CDK15: variants seen among roughly 807,000 people sequenced by gnomAD.
The protein encoded by CDK15 is cyclin-dependent kinase 15.
CDK15 carries 62 observed loss-of-function variants against 60.3 expected under a neutral mutation model. The ratio of observed to expected loss-of-function variants is 1.03; its 90% CI spans 0.84 to 1.27. The LOEUF is 1.27. Ranked by LOEUF, CDK15 falls within the 50% of genes most tolerant of loss-of-function variation. The probability of loss-of-function intolerance (pLI) is 0.00; values close to 1 mark genes in which losing one functional copy is unlikely to be tolerated. For synonymous variants in CDK15, 194 were observed against 195.7 expected (o/e 0.99, Z 0.07); for missense variants, 541 against 527.8 (o/e 1.03, Z -0.25).
intron 8 of CDK15, among the ~76,000 whole-genome samples, chr2:201,845,589 T>TAAAAAAAA (rs35345906): frequency 9.9e-6 from 1 of 101,468 alleles, no homozygotes; most frequent in African/African-American, 3.8e-5. Context: ...CCATCTGTAT[T>TAAAAAAAA]AAAAAAAAAA....
At chr2:201,811,606 T>C (rs1345225516) in intron 3 of CDK15, among the ~76,000 whole-genome samples, 1 of 152,196 alleles carries the variant, frequency 6.6e-6, no homozygotes, top group Non-Finnish European at 1.5e-5. Context: ...TTCTCTATTC[T>C]CAGCACTTAG....
intron 10 of CDK15, chr2:201,860,649 C>G: frequency 7.7e-7 from 1 of 1,292,652 alleles, no homozygotes; most frequent in Non-Finnish European, 1.0e-6. Flanking sequence ...AAAAGCCCTG[C>G]AGGGACCAGA....
At position 201,833,871 on chromosome 2, in the gene CDK15, G is replaced by C. The variant is rs150762445; in HGVS notation, c.630G>C (p.Arg210=). 2.7e-5 allele frequency: 43 copies of C among 1,613,482 alleles called. No individual in the cohort carries two copies. Among genetic ancestry groups the C allele is most frequent in the South Asian group, 5.5e-5 (5 of 90,998 alleles). The change falls in exon 7 of 14, where the codon CGG becomes CGC. Residue 210 remains arginine, a synonymous_variant. Transcript: ENST00000652192. ...AGCTTTTCATGTTTCAACTTTTGCGGGGCCTGGCGTACATCCACCACCAAC... is the reference window on the plus strand; with the variant it reads ...AGCTTTTCATGTTTCAACTTTTGCGCGGCCTGGCGTACATCCACCACCAAC... ...NVRLFMFQLL[R]GLAYIHHQHV... is the part of the protein sequence containing the mutation.
At chr2:201,876,694 T>C (rs1699090889) in intron 11 of CDK15, 1 of 547,734 alleles carries the variant, frequency 1.8e-6, no homozygotes, top group Admixed American at 3.4e-5. Context: ...GTAGGTTCTG[T>C]TGGTTGAAAT....
Position 201,893,450 on chromosome 2 carries a change from G to A in CDK15, c.*183G>A, listed in dbSNP as rs750100107. The A allele has an allele frequency of 6.6e-6, 1 of 152,144 alleles. No homozygotes were observed. The highest frequency in any genetic ancestry group is 1.5e-5 in the Non-Finnish European group (1 of 68,030). The allele number at this position is 152,144 out of a possible 1,614,324, so 9.4% of individuals were successfully genotyped here. Reference sequence around the variant, plus strand: ...TTCAAGGCAATAGTACATAATAGTGGAAGAAAATTCAGTGGAAGGTTATTG... The same window carrying A: ...TTCAAGGCAATAGTACATAATAGTGAAAGAAAATTCAGTGGAAGGTTATTG... On this transcript the variant is annotated 3_prime_UTR_variant, in exon 14 of 14. Coordinates refer to ENST00000652192, the MANE Select transcript of CDK15 (RefSeq NM_001366386.2).
At chr2:201,872,163 C>G in intron 10 of CDK15, 115 bp from the exon 11 acceptor site, 1 of 1,092,996 alleles carries the variant, frequency 9.1e-7, no homozygotes, top group Non-Finnish European at 1.4e-6. Context: ...CTACCTGATA[C>G]TTGAATCATT....
In CDK15 at chr2:201,882,199, A is replaced by ATG. The variant is rs374708377; in HGVS notation, c.1198+2049_1198+2050dup. On this transcript the variant is annotated intron_variant, in intron 12 of 13. Transcript: ENST00000652192. The surrounding 1 kb of genome is among the most constrained non-coding windows in gnomAD (Gnocchi z 4.0). ...TATGTGTGTATATGTGTGTGTGCGT[A>ATG]TGTGTGTGTGTGTGTGTGAGAGAGA... 0.011 allele frequency among the ~76,000 whole-genome samples: 1,643 copies of ATG among 149,480 alleles called. 28 individuals carry two copies. Among genetic ancestry groups the ATG allele is most frequent in the African/African-American group, 0.037 (1,508 of 40,820 alleles).
Position 201,894,871 on chromosome 2 carries a change from G to A in CDK15, c.*1604G>A, listed in dbSNP as rs1473578450. The stretch of plus-strand genomic sequence containing the variant: ...CTTGCTAGAAGCCAATGAACAGCAG[G>A]CCAAAACAACACTTACTTGCATCAA... On this transcript the variant is annotated 3_prime_UTR_variant, in exon 14 of 14. Transcript: ENST00000652192. 1.3e-5 allele frequency: 2 copies of A among 152,108 alleles called. No individual in the cohort carries two copies. Among genetic ancestry groups the A allele is most frequent in the Non-Finnish European group, 2.9e-5 (2 of 68,016 alleles). 9.4% of individuals were successfully genotyped at this position (152,108 alleles called of 1,614,324 possible).
At chr2:201,861,514 T>G in intron 10 of CDK15, 1 of 984,154 alleles carries the variant, frequency 1.0e-6, no homozygotes, top group African/African-American at 1.7e-5. Flanking sequence ...TAGTAGGTAC[T>G]CAATAAAAGT....
At chr2:201,837,781 T>C (rs935160185) in intron 8 of CDK15, among the ~76,000 whole-genome samples, 2 of 152,176 alleles carry the variant, frequency 1.3e-5, no homozygotes, top group African/African-American at 2.4e-5. Flanking sequence ...AAAGGGTTTA[T>C]ATAAAAACAC....
chr2:201,881,678 A>G (rs1217090695), intron 12 of CDK15, among the ~76,000 whole-genome samples: 1 of 152,144 alleles, frequency 6.6e-6, no homozygotes, highest in African/African-American at 2.4e-5. Context: ...AGAGAGGCAT[A>G]TGGGTGGAAC....
chr2:201,886,022 G>T (rs1458768227), intron 12 of CDK15, among the ~76,000 whole-genome samples: 1 of 152,150 alleles, frequency 6.6e-6, no homozygotes, highest in East Asian at 1.9e-4. Flanking sequence ...ACTATTCATT[G>T]TTCTTGCTAA....
At position 201,807,941 on chromosome 2, in the gene CDK15, G is replaced by C; in HGVS notation, c.357G>C (p.Lys119Asn). 5.0e-6 allele frequency: 8 copies of C among 1,613,888 alleles called. No individual in the cohort carries two copies. The highest frequency in any genetic ancestry group is 6.8e-6 in the Non-Finnish European group (8 of 1,179,932). ...LGEGSYATVY[K>N]GISRINGQLV... is the part of the protein sequence containing the mutation. ...AAGGCTCTTATGCGACAGTTTACAA[G>C]GGGATTAGCAGGTGAGTGACACATA... is the stretch of plus-strand genomic sequence containing the variant. Residue 119 changes from lysine to asparagine, a missense_variant, in exon 3 of 14, where the codon AAG becomes AAC. Lys to Asn is a moderately conservative substitution (Grantham distance 94). Coordinates refer to ENST00000652192, the MANE Select transcript of CDK15 (RefSeq NM_001366386.2).
rs1574839963 is a variant in CDK15, at chr2:201,808,078, C to T, written c.368+126C>T. The T allele has an allele frequency of 2.1e-5, 14 of 671,782 alleles. No individual in the cohort carries two copies. In the East Asian group the frequency reaches 3.9e-4, roughly 19 times the overall value. 41.6% of individuals were successfully genotyped at this position (671,782 alleles called of 1,614,324 possible). A position where few individuals can be genotyped will look rare whatever the true frequency, so the allele number is the denominator to read the frequency against. On this transcript the variant is annotated intron_variant, in intron 3 of 13. Transcript: ENST00000652192. The stretch of plus-strand genomic sequence containing the variant: ...TCAGGACCTGTGCAAGACACCATGG[C>T]CGACAGGGAGAGAGACATGATAACT...
intron 4 of CDK15, among the ~76,000 whole-genome samples, chr2:201,814,384 A>G (rs769922675): frequency 5.3e-5 from 8 of 152,204 alleles, no homozygotes; most frequent in Admixed American, 1.3e-4. Context: ...GTAATATTAA[A>G]AACCACAAGA....
At chr2:201,854,734 C>T (rs1698069899) in intron 9 of CDK15, 140 bp from the exon 10 acceptor site, 3 of 671,302 alleles carry the variant, frequency 4.5e-6, no homozygotes, top group Non-Finnish European at 7.8e-6. Context: ...TTCTCGTATA[C>T]ATCAGCTGGT....
chr2:201,852,546 A>G (rs1170408813), intron 9 of CDK15, among the ~76,000 whole-genome samples: 2 of 152,254 alleles, frequency 1.3e-5, no homozygotes, highest in African/African-American at 4.8e-5. Context: ...TTCTAAAATC[A>G]GAATAAACTA....
chr2:201,854,173 C>CA (rs1404709152), intron 9 of CDK15, among the ~76,000 whole-genome samples: 410 of 136,976 alleles, frequency 3.0e-3, no homozygotes, highest in Middle Eastern at 0.011. Context: ...GACTCCGTCT[C>CA]AAAAAAAAAA....
chr2:201,887,131 C>T (rs1699478204), intron 12 of CDK15, among the ~76,000 whole-genome samples: 1 of 152,080 alleles, frequency 6.6e-6, no homozygotes, highest in South Asian at 2.1e-4. Flanking sequence ...ACCAGAGAAA[C>T]AATTGGACAA....
Sources: allele counts gnomAD v4.1 joint callset (sites outside exome capture counted in the v4.1 genomes callset), GRCh38; gene constraint gnomAD v4.1.1; non-coding constraint Gnocchi (gnomAD v3.1); transcripts MANE v1.5; gene names NCBI Gene and HGNC (gene_info 2026-07-23, HGNC 2026-07-21).